Variants in LIG3 observed in about 807,000 individuals in gnomAD.
LIG3 encodes ligase II, DNA, ATP-dependent.
Under a neutral mutation model 110.9 loss-of-function variants are expected in LIG3, and 58 were observed. The observed-to-expected ratio is 0.52, with a 90% CI of 0.42 to 0.65. The LOEUF (loss-of-function observed/expected upper bound fraction) is 0.65, where lower values mean the gene tolerates loss of function less well. LIG3 is among the 30% of genes least tolerant of loss of function. The pLI is 0.00. For missense variants in LIG3, 1,094 were observed against 1,273.8 expected (o/e 0.86, Z 2.15); for synonymous variants, 422 against 472.8 (o/e 0.89, Z 1.39).
chr17:35,000,966 A>T (rs574848692), intron 16 of LIG3, among the ~76,000 whole-genome samples: 1 of 151,926 alleles, frequency 6.6e-6, no homozygotes, highest in East Asian at 1.9e-4. Context: ...GAGCAGTGGC[A>T]TGATCTCAGC....
rs753308055 is a variant in LIG3 at position 34,999,295 on chromosome 17, C to T, written c.2114-12C>T. On this transcript the variant is annotated splice_polypyrimidine_tract_variant and intron_variant, in intron 14 of 19. Coordinates refer to ENST00000378526, the MANE Select transcript of LIG3 (RefSeq NM_013975.4). ...TCCTCCAACCCACACTCATCTCACACTCCCCTCCCAGGCGGCATGATGTCA... is the reference window on the plus strand; with the variant it reads ...TCCTCCAACCCACACTCATCTCACATTCCCCTCCCAGGCGGCATGATGTCA... The T allele has an allele frequency of 1.2e-6, 2 of 1,608,824 alleles. No individual in the cohort carries two copies. The highest frequency in any genetic ancestry group is 8.5e-7 in the Non-Finnish European group (1 of 1,176,666).
chr17:35,003,694 A>G (rs1449708378), intron 19 of LIG3: 1 of 157,370 alleles, frequency 6.4e-6, no homozygotes, highest in African/African-American at 2.4e-5. Flanking sequence ...CAAAGGACAG[A>G]TAGAGAAGTA....
At chr17:35,000,051 T>TG (rs1461598003) in intron 16 of LIG3, among the ~76,000 whole-genome samples, 195 bp downstream of exon 16, 1 of 151,740 alleles carries the variant, frequency 6.6e-6, no homozygotes, top group Non-Finnish European at 1.5e-5. Context: ...GCAATACAAT[T>TG]GCTTTAAAAA....
Position 34,994,278 on chromosome 17 carries a change from G to A in LIG3, c.1458G>A (p.Ala486=), listed in dbSNP as rs376541145. The A allele has an allele frequency of 2.2e-5, 35 of 1,611,308 alleles. No homozygotes were observed. Among genetic ancestry groups the A allele is most frequent in the Admixed American group, 1.5e-4 (9 of 59,780 alleles). ...SLMTPVQPML[A]EACKSVEYAM... ...GGCTTTGCTTTCCCCACCCCAAGGC[G>A]GAGGCCTGCAAGTCCGTTGAGTATG... Residue 486 remains alanine (A), a splice_region_variant and synonymous_variant, in exon 9 of 20, where the codon GCG becomes GCA. Transcript: ENST00000378526.
In LIG3 at chr17:34,996,654, G is replaced by A; in HGVS notation, c.1823+1G>A. On this transcript the variant is annotated splice_donor_variant, in intron 11 of 19. Coordinates refer to ENST00000378526, the MANE Select transcript of LIG3 (RefSeq NM_013975.4). LOFTEE classifies it high-confidence loss of function. ...TTAATGATGTCAGCTTGATGGACAG[G>A]TGAGTTGGCTAGCATCTTTAAACCC... is the stretch of plus-strand genomic sequence containing the variant. The A allele has an allele frequency of 6.2e-7, 1 of 1,612,690 alleles. No individual in the cohort carries two copies.
chr17:34,985,773 T>C (rs2090648292), intron 2 of LIG3, among the ~76,000 whole-genome samples: 1 of 152,182 alleles, frequency 6.6e-6, no homozygotes, highest in South Asian at 2.1e-4. Context: ...GGTAACTGGA[T>C]CTTTTGTCTC....
chr17:34,996,369 G>T (rs953141041), intron 10 of LIG3, 174 bp downstream of exon 10: 12 of 870,042 alleles, frequency 1.4e-5, no homozygotes, highest in Non-Finnish European at 1.9e-5. Context: ...CTAAAAAGGG[G>T]CTGGTATTGG....
intron 7 of LIG3, 39 bp downstream of exon 7, chr17:34,992,074 G>T (rs768020506): frequency 6.3e-7 from 1 of 1,577,022 alleles, no homozygotes; most frequent in East Asian, 2.2e-5. Context: ...GCTGTCATTT[G>T]TTAGCTTTGT....
intron 15 of LIG3, 122 bp downstream of exon 15, chr17:34,999,571 G>C (rs1048325717): frequency 3.9e-5 from 52 of 1,329,102 alleles, no homozygotes; most frequent in Admixed American, 1.6e-4. Flanking sequence ...AGCTTGCTCA[G>C]GGGAGCAGGA....
At chr17:34,989,767 G>A (rs2090698747) in intron 4 of LIG3, 104 bp downstream of exon 4, 3 of 1,052,528 alleles carry the variant, frequency 2.9e-6, no homozygotes, top group East Asian at 2.4e-5. Context: ...TCCCATGCTT[G>A]GTTTAATGCT....
In LIG3 at chr17:34,999,510, C is replaced by T. The variant is rs1191194966; in HGVS notation, c.2256+61C>T. On this transcript the variant is annotated intron_variant, in intron 15 of 19. Transcript: ENST00000378526. ...CTGGCCGCCATCACTGAGACAGAGG[C>T]TGTGCTTTGGGGACTACAGGTATTT... The T allele has an allele frequency of 1.9e-6, 3 of 1,576,066 alleles. No individual in the cohort carries two copies. The Admixed American group carries it at 5.3e-5, about 28-fold the overall frequency.
chr17:34,997,631 A>T (rs2090792497), intron 11 of LIG3, 107 bp from the exon 12 acceptor site: 2 of 812,568 alleles, frequency 2.5e-6, no homozygotes, highest in South Asian at 2.8e-5. Flanking sequence ...TCCATGGCAA[A>T]CCCTTTCTTG....
chr17:34,986,698 T>C (rs2090659325), intron 3 of LIG3, among the ~76,000 whole-genome samples: 1 of 152,234 alleles, frequency 6.6e-6, no homozygotes. Flanking sequence ...GTCAAGACTT[T>C]TTCCCCTTGA....
chr17:34,986,232 C>T, intron 3 of LIG3, 101 bp downstream of exon 3: 1 of 1,168,016 alleles, frequency 8.6e-7, no homozygotes, highest in Non-Finnish European at 1.2e-6. Flanking sequence ...GCTATCTCAT[C>T]TCATTAATAA....
Position 35,001,212 on chromosome 17 carries a change from AC to A in LIG3, c.2332-44del, listed in dbSNP as rs748370512. ...TGAGCCACCACGCCCGGCCACTGAT[AC>A]TATCTTCTTAACCAGTGATGACCTG... On this transcript the variant is annotated intron_variant, in intron 16 of 19. Coordinates refer to ENST00000378526, the MANE Select transcript of LIG3 (RefSeq NM_013975.4). The A allele has an allele frequency of 2.7e-5, 43 of 1,596,830 alleles. No individual in the cohort carries two copies. In the African/African-American group the frequency reaches 5.1e-4, roughly 19 times the overall value.
chr17:34,987,180 G>A (rs574113512), intron 3 of LIG3, among the ~76,000 whole-genome samples: 153 of 152,292 alleles, frequency 1.0e-3, no homozygotes, highest in Non-Finnish European at 1.7e-3. Flanking sequence ...CATAGACAGG[G>A]ATTCAGGAAG....
rs764792273 is a variant in LIG3 at position 34,983,200 on chromosome 17, A to G, written c.195A>G (p.Arg65=). 10 of 1,614,198 alleles carry G rather than the reference A, an allele frequency of 6.2e-6. No homozygotes were observed. The highest frequency in any genetic ancestry group is 8.5e-6 in the Non-Finnish European group (10 of 1,180,022). ...TATCATTCCAGGGAAGCCATCTAAGATCACGTGCCACCTACCTTGTTTTCT... is the reference window on the plus strand; with the variant it reads ...TATCATTCCAGGGAAGCCATCTAAGGTCACGTGCCACCTACCTTGTTTTCT... The part of the protein sequence containing the change: ...PVLSFQGSHL[R]SRATYLVFLP... The change falls in exon 2 of 20, where the codon AGA becomes AGG. Residue 65 remains arginine, a synonymous_variant. Coordinates refer to ENST00000378526, the MANE Select transcript of LIG3 (RefSeq NM_013975.4).
chr17:35,010,782 C>T (rs375412602), downstream of LIG3: 13 of 152,022 alleles, frequency 8.6e-5, no homozygotes, highest in African/African-American at 3.1e-4. Context: ...CTGACCTGCC[C>T]CCAAAAATCA....
chr17:34,992,116 C>T lies in LIG3; in HGVS notation c.1286+81C>T, dbSNP rs1486520869. 3.2e-6 allele frequency: 4 copies of T among 1,244,540 alleles called. No homozygotes were observed. The African/African-American group carries it at 4.4e-5, about 14-fold the overall frequency. The allele number at this position is 1,244,540 out of a possible 1,614,324, so 77.1% of individuals were successfully genotyped here. Reference sequence around the variant, plus strand: ...CCAACTGGTGTCAGGACTTTTGAGTCCCAGTCAGGATTTGAATCCCCCTTC... The same window carrying T: ...CCAACTGGTGTCAGGACTTTTGAGTTCCAGTCAGGATTTGAATCCCCCTTC... On this transcript the variant is annotated intron_variant, in intron 7 of 19. Transcript: ENST00000378526.
Sources: allele counts gnomAD v4.1 joint callset (sites outside exome capture counted in the v4.1 genomes callset), GRCh38; gene constraint gnomAD v4.1.1; transcripts MANE v1.5; gene names NCBI Gene and HGNC (gene_info 2026-07-23, HGNC 2026-07-21).